Variants in KDM4B observed in about 807,000 individuals in gnomAD.
KDM4B encodes lysine demethylase 4B, also known as lysine-specific demethylase 4B.
In KDM4B, 32 loss-of-function variants were observed where a neutral mutation model predicts 125.2. That is an observed-to-expected ratio of 0.26 (90% confidence interval 0.19 to 0.34). The LOEUF (loss-of-function observed/expected upper bound fraction) is 0.34, where lower values mean the gene tolerates loss of function less well. KDM4B is among the 10% of genes least tolerant of loss of function. KDM4B has a pLI of 1.00. For synonymous variants in KDM4B, 721 were observed against 677.9 expected, an observed-to-expected ratio of 1.06 and a Z score of -0.99; for missense variants, 1,190 against 1,577.7, an observed-to-expected ratio of 0.75 and a Z score of 4.16.
chr19:5,056,337 G>A (rs750051487), intron 6 of KDM4B, among the ~76,000 whole-genome samples: 4 of 152,068 alleles, frequency 2.6e-5, no homozygotes, highest in Non-Finnish European at 5.9e-5. Context: ...ACTGCAGAGT[G>A]GCACTCCCCC....
chr19:5,029,362 T>C (rs975142126), intron 2 of KDM4B, among the ~76,000 whole-genome samples: 1 of 152,242 alleles, frequency 6.6e-6, no homozygotes, highest in Non-Finnish European at 1.5e-5. Flanking sequence ...TCCTGTGTCC[T>C]CTGTCTGCCA....
Position 5,083,915 on chromosome 19 carries a change from C to T in KDM4B, c.918+1411C>T, listed in dbSNP as rs575812807. ...AGGTGTGATAGGAGAGACCACAGGG[C>T]CAGATCCGGATTCTTTGACTCTCGC... On this transcript the variant is annotated intron_variant, in intron 9 of 22. Coordinates refer to ENST00000159111, the MANE Select transcript of KDM4B (RefSeq NM_015015.3). 2.4e-4 allele frequency among the ~76,000 whole-genome samples: 36 copies of T among 152,276 alleles called. 1 individual carries two copies. In the South Asian group the frequency reaches 5.8e-3, roughly 25 times the overall value.
chr19:5,048,319 T>G (rs1167257023), intron 6 of KDM4B, among the ~76,000 whole-genome samples: 2 of 152,158 alleles, frequency 1.3e-5, no homozygotes, highest in Non-Finnish European at 2.9e-5. Context: ...TGCGCGCGCA[T>G]GTGAGTGCGC....
chr19:5,016,388 C>G (rs4807679), intron 2 of KDM4B, 49 bp downstream of exon 2: 41,502 of 152,146 alleles, frequency 0.27, 6,707 homozygotes, highest in East Asian at 0.69. Flanking sequence ...GACCAGGGAC[C>G]GGAAGGCTGT....
intron 6 of KDM4B, among the ~76,000 whole-genome samples, chr19:5,066,881 C>T (rs542901769): frequency 2.5e-4 from 38 of 152,318 alleles, no homozygotes; most frequent in Non-Finnish European, 4.6e-4. Flanking sequence ...TTTGAGAACA[C>T]GGAGATGGAG....
chr19:5,047,464 G>A lies in KDM4B; in HGVS notation c.433-12G>A. The A allele has an allele frequency of 1.3e-6, 2 of 1,591,012 alleles. No individual in the cohort carries two copies. The highest frequency in any genetic ancestry group is 1.7e-6 in the Non-Finnish European group (2 of 1,165,584). ...GCCGGGCGGTTGCCGACGCTGCTCTGCCGCCCCACAGGACGTGGCCCAGTG... is the reference window on the plus strand; with the variant it reads ...GCCGGGCGGTTGCCGACGCTGCTCTACCGCCCCACAGGACGTGGCCCAGTG... On this transcript the variant is annotated splice_polypyrimidine_tract_variant and intron_variant, in intron 5 of 22. Coordinates refer to ENST00000159111, the MANE Select transcript of KDM4B (RefSeq NM_015015.3).
rs1238029610 is a variant in KDM4B, at chr19:5,153,328, G to A, written c.*1817G>A. 1 of 152,288 alleles carries A rather than the reference G, an allele frequency of 6.6e-6. No individual in the cohort carries two copies. Among genetic ancestry groups the A allele is most frequent in the Non-Finnish European group, 1.5e-5 (1 of 68,094 alleles). 9.4% of individuals were successfully genotyped at this position (152,288 alleles called of 1,614,324 possible). A position where few individuals can be genotyped will look rare whatever the true frequency, so the allele number is the denominator to read the frequency against. ...ATGCTATTTATATTGTAAAGAAGCG[G>A]GCGGGTGCCCCTGCTGCCCTTGTCC... On this transcript the variant is annotated 3_prime_UTR_variant, in exon 23 of 23. Coordinates refer to ENST00000159111, the MANE Select transcript of KDM4B (RefSeq NM_015015.3).
chr19:5,055,284 G>A (rs1248145724), intron 6 of KDM4B, among the ~76,000 whole-genome samples: 1 of 152,254 alleles, frequency 6.6e-6, no homozygotes, highest in Non-Finnish European at 1.5e-5. Context: ...CTGTCAGTGG[G>A]ATCTGTCCCA....
At chr19:5,077,304 G>A (rs1327531603) in intron 7 of KDM4B, 63 bp from the exon 8 acceptor site, 15 of 1,413,194 alleles carry the variant, frequency 1.1e-5, no homozygotes, top group Middle Eastern at 1.8e-4. Flanking sequence ...CCAGAGGGCA[G>A]CATCCTCGCT....
rs2039961240 is a variant in KDM4B at position 5,152,229 on chromosome 19, C to T, written c.*718C>T. 6.6e-6 allele frequency: 1 copy of T among 152,276 alleles called. No homozygotes were observed. Among genetic ancestry groups the T allele is most frequent in the Non-Finnish European group, 1.5e-5 (1 of 68,086 alleles). 9.4% of individuals were successfully genotyped at this position (152,276 alleles called of 1,614,324 possible). On this transcript the variant is annotated 3_prime_UTR_variant, in exon 23 of 23. Coordinates refer to ENST00000159111, the MANE Select transcript of KDM4B (RefSeq NM_015015.3). ...GCCAGTGCCTGTGCCCACTCTGTGCCTGCTGGGAGGAGGCCCAGGCTCTCT... is the reference window on the plus strand; with the variant it reads ...GCCAGTGCCTGTGCCCACTCTGTGCTTGCTGGGAGGAGGCCCAGGCTCTCT...
Position 5,014,442 on chromosome 19 carries a change from A to G in KDM4B, c.-108-1815A>G, listed in dbSNP as rs560793712. Among the ~76,000 whole-genome samples, 97 of 151,954 alleles carry G rather than the reference A, an allele frequency of 6.4e-4. 1 individual carries two copies. Among genetic ancestry groups the G allele is most frequent in the African/African-American group, 2.3e-3 (95 of 41,448 alleles). On this transcript the variant is annotated intron_variant, in intron 1 of 22. Transcript: ENST00000159111. ...CAGGCGCCCGCCACCACGCCTGGCT[A>G]ATTTTTTGTATTTTTAGTAGAGACG...
chr19:5,107,824 G>T (rs75011028), intron 9 of KDM4B, among the ~76,000 whole-genome samples: 2,964 of 152,300 alleles, frequency 0.019, 90 homozygotes, highest in African/African-American at 0.063. Flanking sequence ...ACTCAGAAGC[G>T]ACTACCCTGT....
intron 9 of KDM4B, among the ~76,000 whole-genome samples, chr19:5,083,111 T>A (rs2038355626): frequency 6.6e-6 from 1 of 152,138 alleles, no homozygotes; most frequent in East Asian, 1.9e-4. Flanking sequence ...CTTGCTTGAT[T>A]TTTTTCTGGT....
chr19:5,052,352 T>G (rs970208807), intron 6 of KDM4B, among the ~76,000 whole-genome samples: 1 of 5,038 alleles, frequency 2.0e-4, no homozygotes, highest in Non-Finnish European at 4.4e-4. Context: ...CTCCAGACAC[T>G]GGGGGTGGGG....
chr19:5,119,398 C>T (rs1011843361), intron 10 of KDM4B, among the ~76,000 whole-genome samples: 1 of 152,154 alleles, frequency 6.6e-6, no homozygotes, highest in Non-Finnish European at 1.5e-5. Context: ...ATCAGCGTCC[C>T]CCGCTTGACA....
At chr19:5,119,109 A>G (rs1217838380) in intron 10 of KDM4B, 6 of 1,506,712 alleles carry the variant, frequency 4.0e-6, no homozygotes, top group Non-Finnish European at 5.4e-6. Context: ...CGTGAAATTT[A>G]CATTCTAGAC....
intron 1 of KDM4B, among the ~76,000 whole-genome samples, chr19:4,990,722 G>A (rs1009529546): frequency 2.0e-5 from 3 of 152,212 alleles, no homozygotes; most frequent in Admixed American, 6.5e-5. Context: ...GAGATGGCCC[G>A]TAATTCTAAC....
chr19:4,997,876 G>C lies in KDM4B; in HGVS notation c.-108-18381G>C, dbSNP rs189275030. On this transcript the variant is annotated intron_variant, in intron 1 of 22. Coordinates refer to ENST00000159111, the MANE Select transcript of KDM4B (RefSeq NM_015015.3). This position sits in a 1 kb window ranked among gnomAD's most constrained non-coding sequence, Gnocchi z 4.2. Reference sequence around the variant, plus strand: ...CCAGGGCCAGGAGTGAGGGGCGGACGTGCCACTCTGCACTGCTGTCCCTCT... The same window carrying C: ...CCAGGGCCAGGAGTGAGGGGCGGACCTGCCACTCTGCACTGCTGTCCCTCT... 2.6e-5 allele frequency among the ~76,000 whole-genome samples: 4 copies of C among 152,402 alleles called. No individual in the cohort carries two copies. Among genetic ancestry groups the C allele is most frequent in the African/African-American group, 9.6e-5 (4 of 41,602 alleles).
chr19:5,117,798 G>A (rs938734581), intron 10 of KDM4B, among the ~76,000 whole-genome samples: 5 of 151,994 alleles, frequency 3.3e-5, no homozygotes, highest in Admixed American at 1.3e-4. Context: ...ACCCCGCAGC[G>A]ACCTTGTGTG....
Sources: allele counts gnomAD v4.1 joint callset (sites outside exome capture counted in the v4.1 genomes callset), GRCh38; gene constraint gnomAD v4.1.1; non-coding constraint Gnocchi (gnomAD v3.1); transcripts MANE v1.5; gene names NCBI Gene and HGNC (gene_info 2026-07-23, HGNC 2026-07-21).